Variants in TMTC2 observed in about 807,000 individuals in gnomAD.
The protein encoded by TMTC2 is transmembrane O-mannosyltransferase targeting cadherins 2.
In TMTC2, 43 loss-of-function variants were observed where a neutral mutation model predicts 82.4. That is an observed-to-expected ratio of 0.52 (90% CI 0.41 to 0.67). The LOEUF is 0.67. TMTC2 is among the 30% of genes least tolerant of loss of function. The pLI is 0.00. For synonymous variants in TMTC2, 408 were observed against 381.9 expected (o/e 1.07, Z -0.80); for missense variants, 919 against 1,012.4 (o/e 0.91, Z 1.25).
intron 11 of TMTC2, among the ~76,000 whole-genome samples, chr12:83,117,826 TC>T (rs1190727825): frequency 6.6e-6 from 1 of 152,178 alleles, no homozygotes; most frequent in Non-Finnish European, 1.5e-5. Context: ...ATCTATGATT[TC>T]TTTCAGCAGT....
At chr12:82,759,828 A>G (rs573596043) in intron 1 of TMTC2, 4 of 152,338 alleles carry the variant, frequency 2.6e-5, no homozygotes, top group East Asian at 1.9e-4. Flanking sequence ...TTTAATGCCT[A>G]TGGGTTAGAA....
chr12:83,039,315 G>C (rs1385775827), intron 9 of TMTC2, among the ~76,000 whole-genome samples: 1 of 152,026 alleles, frequency 6.6e-6, no homozygotes, highest in Non-Finnish European at 1.5e-5. Context: ...TTATTGAATA[G>C]AACTCAACAT....
chr12:83,045,484 G>T (rs1328204724), intron 9 of TMTC2, among the ~76,000 whole-genome samples: 1 of 152,118 alleles, frequency 6.6e-6, no homozygotes, highest in Admixed American at 6.5e-5. Flanking sequence ...ATATGAAAAA[G>T]AAGTGGTTTC....
At chr12:82,697,334 C>CAAAAA (rs367770708) in intron 1 of TMTC2, among the ~76,000 whole-genome samples, 1 of 61,692 alleles carries the variant, frequency 1.6e-5, no homozygotes, top group Non-Finnish European at 3.2e-5. Context: ...CAGCCTGTCT[C>CAAAAA]AAAAAAAAAA....
chr12:82,863,714 T>G (rs1871668779), intron 2 of TMTC2, among the ~76,000 whole-genome samples: 1 of 152,114 alleles, frequency 6.6e-6, no homozygotes, highest in Non-Finnish European at 1.5e-5. Flanking sequence ...TGTTAATACT[T>G]GGAACAACGA....
At chr12:82,941,471 TAAAC>T (rs1196707447) in intron 4 of TMTC2, among the ~76,000 whole-genome samples, 1 of 152,200 alleles carries the variant, frequency 6.6e-6, no homozygotes, top group African/African-American at 2.4e-5. Context: ...AATGAGATAA[TAAAC>T]TAATGAGTAA....
At chr12:82,941,049 A>G (rs1046934684) in intron 4 of TMTC2, among the ~76,000 whole-genome samples, 5 of 152,194 alleles carry the variant, frequency 3.3e-5, no homozygotes, top group African/African-American at 9.6e-5. Context: ...CGGAGAATAC[A>G]TAAATACGAT....
intron 1 of TMTC2, among the ~76,000 whole-genome samples, chr12:82,817,232 G>T (rs1215961914): frequency 6.6e-6 from 1 of 151,986 alleles, no homozygotes; most frequent in Non-Finnish European, 1.5e-5. Context: ...GCCTGCCAAA[G>T]TGCTGGGATT....
In TMTC2 at chr12:82,896,039, T is replaced by C; in HGVS notation, c.876T>C (p.Phe292=). 2 of 1,613,980 alleles carry C rather than the reference T, an allele frequency of 1.2e-6. No homozygotes were observed. The highest frequency in any genetic ancestry group is 1.7e-6 in the Non-Finnish European group (2 of 1,179,990). Residue 292 remains phenylalanine (F), a synonymous_variant, in exon 3 of 12, where the codon TTT becomes TTC. Transcript: ENST00000321196. ...WLLLCPDTLS[F]DWSMDAVPLL... ...TGCTATGTCCAGATACCCTCAGTTT[T>C]GATTGGTCAATGGATGCTGTGCCTC...
intron 11 of TMTC2, among the ~76,000 whole-genome samples, chr12:83,089,064 C>T (rs544708404): frequency 8.5e-5 from 13 of 152,260 alleles, no homozygotes; most frequent in African/African-American, 2.9e-4. Context: ...TAAATAAGCA[C>T]CTTTATAAAC....
chr12:82,794,997 C>T (rs1036860696), intron 1 of TMTC2, among the ~76,000 whole-genome samples: 2 of 152,012 alleles, frequency 1.3e-5, no homozygotes, highest in African/African-American at 2.4e-5. Flanking sequence ...ATCTGTGAAT[C>T]GCTGGAATCC....
chr12:83,066,784 T>C (rs1565875731), intron 11 of TMTC2, among the ~76,000 whole-genome samples: 2 of 151,972 alleles, frequency 1.3e-5, no homozygotes, highest in Admixed American at 1.3e-4. Flanking sequence ...TGATTTTAGG[T>C]AACCTAGAAG....
At chr12:83,053,062 T>C (rs1882412003) in intron 10 of TMTC2, among the ~76,000 whole-genome samples, 1 of 152,150 alleles carries the variant, frequency 6.6e-6, no homozygotes, top group South Asian at 2.1e-4. Context: ...TGAATACCAG[T>C]CTGTTTTCTT....
At chr12:82,828,323 C>G (rs577126042) in intron 1 of TMTC2, among the ~76,000 whole-genome samples, 1 of 148,442 alleles carries the variant, frequency 6.7e-6, no homozygotes, top group East Asian at 2.1e-4. Context: ...AAGCAATTAT[C>G]CTGCCTCATC....
chr12:82,998,171 G>A (rs1346665606), intron 8 of TMTC2, among the ~76,000 whole-genome samples: 1 of 152,092 alleles, frequency 6.6e-6, no homozygotes, highest in Non-Finnish European at 1.5e-5. Context: ...TCAGTGTTTA[G>A]CATTGGAAAA....
chr12:82,852,805 T>G (rs1871053295), intron 1 of TMTC2, among the ~76,000 whole-genome samples: 1 of 152,216 alleles, frequency 6.6e-6, no homozygotes, highest in South Asian at 2.1e-4. Flanking sequence ...GTATCTTTCT[T>G]AATAGGATGT....
intron 1 of TMTC2, among the ~76,000 whole-genome samples, chr12:82,693,968 C>CAAAAAA (rs1005660355): frequency 4.8e-5 from 2 of 41,402 alleles, no homozygotes; most frequent in Non-Finnish European, 1.0e-4. Context: ...AACTCCATCT[C>CAAAAAA]AAAAAAAAAA....
chr12:82,777,389 G>A (rs760809830), intron 1 of TMTC2, among the ~76,000 whole-genome samples: 9 of 152,206 alleles, frequency 5.9e-5, no homozygotes, highest in Non-Finnish European at 4.4e-5. Flanking sequence ...TATAGCAAGG[G>A]AGTAGAACAA....
chr12:83,018,713 G>A (rs915429157), intron 8 of TMTC2, among the ~76,000 whole-genome samples: 1 of 151,080 alleles, frequency 6.6e-6, no homozygotes, highest in Non-Finnish European at 1.5e-5. Context: ...TATGGCAATG[G>A]CATGAAGCTC....
Sources: gnomAD v4.1 joint callset for allele counts (sites outside exome capture counted in the v4.1 genomes callset) on GRCh38, gnomAD v4.1.1 for gene constraint, MANE v1.5 for transcripts, NCBI Gene and HGNC (gene_info 2026-07-23, HGNC 2026-07-21) for gene names.